Variants in TMEM62 observed in about 807,000 individuals in gnomAD.
The protein encoded by TMEM62 is transmembrane protein 62.
In TMEM62, 41 loss-of-function variants were observed where a neutral mutation model predicts 70.4. That is an observed-to-expected ratio of 0.58 (90% confidence interval 0.45 to 0.76). TMEM62 has a LOEUF of 0.76. TMEM62 is among the 30% of genes least tolerant of loss of function. The pLI is 0.00. For missense variants in TMEM62, 688 were observed against 788.5 expected (o/e 0.87, Z 1.53); for synonymous variants, 268 against 291.0 (o/e 0.92, Z 0.80).
chr15:43,175,959 A>G (rs1400053222), intron 11 of TMEM62, among the ~76,000 whole-genome samples: 3 of 152,222 alleles, frequency 2.0e-5, no homozygotes, highest in Non-Finnish European at 2.9e-5. Context: ...GGGCACCTGG[A>G]CAATTGGGTC....
intron 10 of TMEM62, among the ~76,000 whole-genome samples, chr15:43,167,065 G>T (rs1023458065): frequency 6.6e-6 from 1 of 152,166 alleles, no homozygotes; most frequent in Non-Finnish European, 1.5e-5. Context: ...CCTCCCAGAC[G>T]GGGTGGTGGC....
At chr15:43,138,473 T>C in intron 3 of TMEM62, 101 bp from the exon 4 acceptor site, 1 of 962,456 alleles carries the variant, frequency 1.0e-6, no homozygotes, top group South Asian at 1.6e-5. Flanking sequence ...TGTGGAAGAA[T>C]TGTTATAGAA....
chr15:43,166,848 T>G (rs2141925466), intron 10 of TMEM62, among the ~76,000 whole-genome samples: 1 of 152,300 alleles, frequency 6.6e-6, no homozygotes, highest in Middle Eastern at 3.4e-3. Context: ...AGCACAGGGT[T>G]GGGGGTAAGG....
At position 43,160,736 on chromosome 15, in the gene TMEM62, A is replaced by C; in HGVS notation, c.1238A>C (p.Asn413Thr). ...CACATATTTTCTGTTCAAGAGAATAATCATCTCAGTTTTGATCCCCTGGCA... is the reference window on the plus strand; with the variant it reads ...CACATATTTTCTGTTCAAGAGAATACTCATCTCAGTTTTGATCCCCTGGCA... Reference protein sequence around the residue: ...VHHIFSVQENNHLSFDPLASF... With the variant: ...VHHIFSVQENTHLSFDPLASF... Residue 413 changes from asparagine to threonine, a missense_variant, in exon 10 of 14, where the codon AAT becomes ACT. By Grantham distance (65) the Asn-to-Thr change is moderately conservative (BLOSUM62 0). Coordinates refer to ENST00000260403, the MANE Select transcript of TMEM62 (RefSeq NM_024956.4). The C allele has an allele frequency of 1.2e-6, 2 of 1,613,172 alleles. No homozygotes were observed. Among genetic ancestry groups the C allele is most frequent in the Non-Finnish European group, 1.7e-6 (2 of 1,179,466 alleles).
Position 43,154,813 on chromosome 15 carries a change from C to T in TMEM62, c.1164C>T (p.Asn388=), listed in dbSNP as rs867018186. ...GAAACTACAGTAGTGGGACACATAACATAGAAGTAATCGTCCAGGTAAGTT... is the reference window on the plus strand; with the variant it reads ...GAAACTACAGTAGTGGGACACATAATATAGAAGTAATCGTCCAGGTAAGTT... The part of the protein sequence containing the change: ...NPRNYSSGTH[N]IEVIVQDSAG... Residue 388 remains asparagine (N), a synonymous_variant, in exon 9 of 14, where the codon AAC becomes AAT. Coordinates refer to ENST00000260403, the MANE Select transcript of TMEM62 (RefSeq NM_024956.4). 5.6e-6 allele frequency: 9 copies of T among 1,607,324 alleles called. No individual in the cohort carries two copies. Among genetic ancestry groups the T allele is most frequent in the Non-Finnish European group, 7.6e-6 (9 of 1,177,730 alleles).
intron 9 of TMEM62, chr15:43,160,375 A>AC (rs2038550391): frequency 4.9e-6 from 1 of 206,018 alleles, no homozygotes; most frequent in South Asian, 1.1e-4. Flanking sequence ...ACATAGCAAG[A>AC]CCCCATCTCT....
At chr15:43,142,398 C>T (rs1035982452) in intron 4 of TMEM62, among the ~76,000 whole-genome samples, 29 of 152,066 alleles carry the variant, frequency 1.9e-4, no homozygotes, top group Admixed American at 1.5e-3. Flanking sequence ...CTCCTGACCT[C>T]GTGATCTGCC....
At chr15:43,148,613 T>C (rs1177282478) in intron 5 of TMEM62, 142 bp from the exon 6 acceptor site, 1 of 880,600 alleles carries the variant, frequency 1.1e-6, no homozygotes, top group East Asian at 2.7e-5. Context: ...CAGAGGTCCA[T>C]AGAGGTCATT....
intron 10 of TMEM62, among the ~76,000 whole-genome samples, chr15:43,165,113 A>C (rs564557016): frequency 6.6e-6 from 1 of 152,120 alleles, no homozygotes; most frequent in South Asian, 2.1e-4. Flanking sequence ...CTTTAGGTTA[A>C]AAAAGTTCTC....
At chr15:43,149,789 A>T (rs930234596) in intron 7 of TMEM62, among the ~76,000 whole-genome samples, 1 of 152,112 alleles carries the variant, frequency 6.6e-6, no homozygotes, top group African/African-American at 2.4e-5. Context: ...CTAGGACTAG[A>T]AGTGTCATGT....
At chr15:43,149,273 T>C in intron 7 of TMEM62, 122 bp downstream of exon 7, 7 of 1,055,754 alleles carry the variant, frequency 6.6e-6, no homozygotes, top group Non-Finnish European at 9.4e-6. Flanking sequence ...TTTCTGTTTT[T>C]TTAAAGTAAT....
At chr15:43,133,585 C>T (rs2034688043), upstream of TMEM62, 1 of 375,052 alleles carries the variant, frequency 2.7e-6, no homozygotes, top group Admixed American at 4.6e-5. Context: ...CGAGCCCAGT[C>T]ACTTGCGCGG....
chr15:43,162,433 C>CTTTTTTT (rs1169921008), intron 10 of TMEM62, among the ~76,000 whole-genome samples: 7 of 136,982 alleles, frequency 5.1e-5, no homozygotes, highest in East Asian at 2.1e-4. Context: ...GCCCCTGGCC[C>CTTTTTTT]TTTTTTTTTT....
intron 11 of TMEM62, among the ~76,000 whole-genome samples, chr15:43,170,273 C>T (rs1388787542): frequency 1.3e-5 from 2 of 152,158 alleles, no homozygotes; most frequent in Non-Finnish European, 2.9e-5. Context: ...GTGTGTCTGA[C>T]CTCCCTTTCC....
At chr15:43,141,101 T>C (rs1354255057) in intron 4 of TMEM62, among the ~76,000 whole-genome samples, 1 of 152,226 alleles carries the variant, frequency 6.6e-6, no homozygotes, top group Non-Finnish European at 1.5e-5. Flanking sequence ...GGTGATAGCA[T>C]CTCCTGTCTC....
intron 3 of TMEM62, among the ~76,000 whole-genome samples, chr15:43,136,860 C>T (rs900149307): frequency 1.3e-5 from 2 of 152,256 alleles, no homozygotes; most frequent in South Asian, 4.1e-4. Flanking sequence ...ATGATCCTCC[C>T]ACCTCAGCCC....
At position 43,134,774 on chromosome 15, in the gene TMEM62, A is replaced by G. The variant is rs560194606; in HGVS notation, c.292+406A>G. ...ATTTTCTTTACATTATTAATCTTAT[A>G]TTTTCAGTTGTTTGAGGCTTCCGGT... On this transcript the variant is annotated intron_variant, in intron 2 of 13. Transcript: ENST00000260403. 3.3e-5 allele frequency among the ~76,000 whole-genome samples: 5 copies of G among 152,170 alleles called. 1 individual carries two copies. Among genetic ancestry groups the G allele is most frequent in the African/African-American group, 1.2e-4 (5 of 41,498 alleles).
intron 11 of TMEM62, among the ~76,000 whole-genome samples, chr15:43,177,654 T>C (rs1200302728): frequency 1.3e-5 from 2 of 152,104 alleles, no homozygotes; most frequent in Non-Finnish European, 2.9e-5. Context: ...ATATACACCA[T>C]GGAATACTAT....
chr15:43,170,163 T>A (rs1448839900), intron 11 of TMEM62, among the ~76,000 whole-genome samples: 3 of 152,188 alleles, frequency 2.0e-5, no homozygotes, highest in Non-Finnish European at 4.4e-5. Context: ...TGGTATCTTA[T>A]TGTGACAGAG....
Sources: allele counts gnomAD v4.1 joint callset (sites outside exome capture counted in the v4.1 genomes callset), GRCh38; gene constraint gnomAD v4.1.1; transcripts MANE v1.5; gene names NCBI Gene and HGNC (gene_info 2026-07-23, HGNC 2026-07-21).